COL4A4: variants seen among roughly 807,000 people sequenced by gnomAD.
COL4A4 encodes the protein collagen alpha-4(IV) chain.
In COL4A4, 105 loss-of-function variants were observed where a neutral mutation model predicts 192.9. The observed-to-expected ratio is 0.54, with a 90% CI of 0.46 to 0.64. The LOEUF is 0.64. Ranked by LOEUF, COL4A4 falls within the 30% of genes least tolerant of loss-of-function variation. COL4A4 has a pLI of 0.00. For missense variants in COL4A4, 1,967 were observed against 2,169.3 expected (o/e 0.91, Z 1.85); for synonymous variants, 762 against 769.9 (o/e 0.99, Z 0.17).
intron 44 of COL4A4, among the ~76,000 whole-genome samples, chr2:227,020,879 TC>T (rs1687983712): frequency 6.8e-6 from 1 of 147,286 alleles, no homozygotes; most frequent in African/African-American, 2.6e-5. Flanking sequence ...AACACTTTTT[TC>T]TTTTTTTTTT....
chr2:226,974,957 G>A, the COL4A4 span, among the ~76,000 whole-genome samples: 1 of 152,184 alleles, frequency 6.6e-6, no homozygotes, highest in Non-Finnish European at 1.5e-5. Context: ...GCACAGATGA[G>A]GCCTAGTTCC....
intron 37 of COL4A4, among the ~76,000 whole-genome samples, chr2:227,041,856 A>AAAAGAGAG (rs1971359952): frequency 1.0e-5 from 1 of 96,976 alleles, no homozygotes; most frequent in Non-Finnish European, 2.1e-5. Flanking sequence ...AAGAGAAAGA[A>AAAAGAGAG]AGAAAGAAAG....
rs1185750206 is a variant in COL4A4 at position 227,052,423 on chromosome 2, T to C, written c.2861-11A>G. ...GAGGTCCTATGGCTCCTATGGATAT[T>C]AATTATGCAAGAACAAAATGAACAG... On this transcript the variant is annotated splice_polypyrimidine_tract_variant and intron_variant, in intron 31 of 47. Transcript: ENST00000396625. 6.9e-7 allele frequency: 1 copy of C among 1,454,168 alleles called. No individual in the cohort carries two copies. The highest frequency in any genetic ancestry group is 1.7e-5 in the Admixed American group (1 of 59,828). 90.1% of individuals were successfully genotyped at this position (1,454,168 alleles called of 1,614,324 possible). A position where few individuals can be genotyped will look rare whatever the true frequency, so the allele number is the denominator to read the frequency against.
At chr2:227,126,764 A>C in intron 4 of COL4A4, among the ~76,000 whole-genome samples, 1 of 152,254 alleles carries the variant, frequency 6.6e-6, no homozygotes, top group East Asian at 1.9e-4. Flanking sequence ...GTCATTTGTT[A>C]GTTCACCTAA....
intron 31 of COL4A4, among the ~76,000 whole-genome samples, chr2:227,052,881 G>A (rs1974430631): frequency 6.6e-6 from 1 of 152,118 alleles, no homozygotes; most frequent in Non-Finnish European, 1.5e-5. Context: ...AAGGTAGGAA[G>A]GGCATACCGT....
chr2:226,967,804 T>C, the COL4A4 span, among the ~76,000 whole-genome samples: 17 of 152,142 alleles, frequency 1.1e-4, no homozygotes, highest in Admixed American at 8.5e-4. Context: ...GTTGAAATGA[T>C]AGGAGTCAGG....
At chr2:227,142,111 A>G (rs911071556) in intron 3 of COL4A4, among the ~76,000 whole-genome samples, 2 of 150,698 alleles carry the variant, frequency 1.3e-5, no homozygotes, top group Non-Finnish European at 2.9e-5. Context: ...AAAAAAAAAA[A>G]AAAAAAACAG....
At chr2:227,152,775 C>A (rs116191350) in intron 1 of COL4A4, among the ~76,000 whole-genome samples, 3 of 152,182 alleles carry the variant, frequency 2.0e-5, no homozygotes, top group Admixed American at 6.5e-5. Flanking sequence ...AACAAAAATA[C>A]CCCATCACTC....
chr2:226,992,740 A>T, the COL4A4 span, among the ~76,000 whole-genome samples: 1 of 152,238 alleles, frequency 6.6e-6, no homozygotes. Context: ...GGGTTTGGGC[A>T]GGAAGGGCGG....
At chr2:226,977,103 G>T in the COL4A4 span, among the ~76,000 whole-genome samples, 3 of 152,136 alleles carry the variant, frequency 2.0e-5, no homozygotes, top group South Asian at 4.1e-4. Flanking sequence ...TGGAAAAAGG[G>T]ATCTTTTTGG....
At position 227,111,288 on chromosome 2, in the gene COL4A4, G is replaced by T. The variant is rs530072229; in HGVS notation, c.594+390C>A. 2.6e-5 allele frequency among the ~76,000 whole-genome samples: 4 copies of T among 152,240 alleles called. No individual in the cohort carries two copies. In the South Asian group the frequency reaches 8.3e-4, roughly 32 times the overall value. On this transcript the variant is annotated intron_variant, in intron 9 of 47. Coordinates refer to ENST00000396625, the MANE Select transcript of COL4A4 (RefSeq NM_000092.5). ...TACTGATTCACCAGGCAAAATGGTA[G>T]CGAGAAGCAATGCAAGATTATTCTA...
At chr2:227,089,834 T>C (rs2059815297) in intron 21 of COL4A4, 34 bp downstream of exon 21, 1 of 1,531,374 alleles carries the variant, frequency 6.5e-7, no homozygotes, top group East Asian at 2.3e-5. Flanking sequence ...TGTACAGTTG[T>C]CTTCTAGAAA....
chr2:227,104,582 A>G (rs1406111301), intron 12 of COL4A4, among the ~76,000 whole-genome samples: 4 of 18,474 alleles, frequency 2.2e-4, no homozygotes, highest in African/African-American at 1.0e-3. Context: ...ACTCCATCTC[A>G]ATAAATAAAT....
rs143734794 is a variant in COL4A4 at position 227,151,122 on chromosome 2, C to T, written c.-101-3538G>A. Among the ~76,000 whole-genome samples, 193 of 152,198 alleles carry T rather than the reference C, an allele frequency of 1.3e-3. 1 individual carries two copies. Among genetic ancestry groups the T allele is most frequent in the African/African-American group, 4.5e-3 (186 of 41,528 alleles). On this transcript the variant is annotated intron_variant, in intron 1 of 47. Coordinates refer to ENST00000396625, the MANE Select transcript of COL4A4 (RefSeq NM_000092.5). ...GCTCTTTAACAGGAATTTTACATTG[C>T]TATTTTTTAAATTCATATTTCCATT...
At chr2:227,029,331 G>A (rs944993210) in intron 41 of COL4A4, among the ~76,000 whole-genome samples, 17 of 152,154 alleles carry the variant, frequency 1.1e-4, no homozygotes, top group South Asian at 4.1e-4. Context: ...GTGTTAGCAC[G>A]TCAGTCCAAT....
At chr2:227,087,897 C>T (rs1291075194) in intron 22 of COL4A4, among the ~76,000 whole-genome samples, 1 of 152,204 alleles carries the variant, frequency 6.6e-6, no homozygotes, top group East Asian at 1.9e-4. Context: ...CTCTGCCCCT[C>T]TCTCTCTTCT....
At chr2:227,077,852 A>G (rs1419637075) in intron 25 of COL4A4, 42 bp downstream of exon 25, 1 of 1,533,780 alleles carries the variant, frequency 6.5e-7, no homozygotes, top group Non-Finnish European at 8.9e-7. Flanking sequence ...AAACACTTGT[A>G]CCCCAAAGCT....
Position 227,123,991 on chromosome 2 carries a change from AAAG to A in COL4A4, c.193-2846_193-2844del, listed in dbSNP as rs2061947199. ...ATCTGTCAATGGCTTATGAGCATAAAAAGAATAATGCATGTAATGGTGTTTAGC... is the reference window on the plus strand; with the variant it reads ...ATCTGTCAATGGCTTATGAGCATAAAAATAATGCATGTAATGGTGTTTAGC... On this transcript the variant is annotated intron_variant, in intron 4 of 47. Transcript: ENST00000396625. This position sits in a 1 kb window ranked among gnomAD's most constrained non-coding sequence, Gnocchi z 4.6. 6.6e-6 allele frequency among the ~76,000 whole-genome samples: 1 copy of A among 152,182 alleles called. No homozygotes were observed.
intron 5 of COL4A4, among the ~76,000 whole-genome samples, chr2:227,120,345 T>C (rs986448408): frequency 4.6e-5 from 7 of 152,250 alleles, no homozygotes; most frequent in African/African-American, 1.7e-4. Flanking sequence ...TACTATGGCA[T>C]ATTATACAAT....
Sources: gnomAD v4.1 joint callset for allele counts (sites outside exome capture counted in the v4.1 genomes callset) on GRCh38, gnomAD v4.1.1 for gene constraint, Gnocchi (gnomAD v3.1) non-coding constraint, MANE v1.5 for transcripts, NCBI Gene and HGNC (gene_info 2026-07-23, HGNC 2026-07-21) for gene names.